Variants in CWF19L2 observed in about 807,000 individuals in gnomAD.
CWF19L2 encodes CWF19-like protein 2.
Under a neutral mutation model 111.7 loss-of-function variants are expected in CWF19L2, and 98 were observed. The observed-to-expected ratio is 0.88, with a 90% CI of 0.75 to 1.04. The LOEUF is 1.04. Among genes scored for constraint, CWF19L2 ranks in the 50% least tolerant of loss-of-function variants. CWF19L2 has a pLI of 0.00. For missense variants in CWF19L2, 1,101 were observed against 1,051.4 expected (o/e 1.05, Z -0.65); for synonymous variants, 351 against 342.9 (o/e 1.02, Z -0.26).
In CWF19L2 at chr11:107,390,212, C is replaced by T. The variant is rs1403595401; in HGVS notation, c.1735-1G>A. The T allele has an allele frequency of 3.1e-6, 5 of 1,590,088 alleles. No homozygotes were observed. Among genetic ancestry groups the T allele is most frequent in the Non-Finnish European group, 4.3e-6 (5 of 1,169,944 alleles). ...TTTCTCTTTCCTCATGGGTTGAAAC[C>T]TATGACAAAATGAACATTATTAATT... On this transcript the variant is annotated splice_acceptor_variant, in intron 11 of 17. Transcript: ENST00000282251. LOFTEE classifies it high-confidence loss of function.
At chr11:107,378,784 AT>A (rs1860635696) in intron 12 of CWF19L2, among the ~76,000 whole-genome samples, 1 of 151,962 alleles carries the variant, frequency 6.6e-6, no homozygotes, top group African/African-American at 2.4e-5. Flanking sequence ...AAATAAATAA[AT>A]AAAAATAAAA....
At chr11:107,370,386 A>C (rs1431785631) in intron 12 of CWF19L2, among the ~76,000 whole-genome samples, 1 of 137,516 alleles carries the variant, frequency 7.3e-6, no homozygotes, top group Non-Finnish European at 1.6e-5. Flanking sequence ...TCATGACAAC[A>C]GAACCAAATT....
At chr11:107,440,687 T>G (rs1185022187) in intron 5 of CWF19L2, among the ~76,000 whole-genome samples, 2 of 152,098 alleles carry the variant, frequency 1.3e-5, no homozygotes. Context: ...GACAAAGGAT[T>G]GAAAACATAA....
At chr11:107,346,974 T>C (rs1860089577) in intron 14 of CWF19L2, among the ~76,000 whole-genome samples, 1 of 152,186 alleles carries the variant, frequency 6.6e-6, no homozygotes, top group Non-Finnish European at 1.5e-5. Context: ...CACATTGAAG[T>C]TCACTGTATG....
chr11:107,388,841 C>G (rs1860808550), intron 12 of CWF19L2, among the ~76,000 whole-genome samples: 1 of 152,150 alleles, frequency 6.6e-6, no homozygotes, highest in Non-Finnish European at 1.5e-5. Flanking sequence ...TTCCTTCTTT[C>G]TGCATTAAAA....
At position 107,376,797 on chromosome 11, in the gene CWF19L2, T is replaced by C. The variant is rs1224528462; in HGVS notation, c.1872+13277A>G. ...AGGCAGGAGAAGGAAATAAAGGGTA[T>C]TCAATTAGGAAAAGAGGAAGTCAAA... On this transcript the variant is annotated intron_variant, in intron 12 of 17. Transcript: ENST00000282251. 1.4e-4 allele frequency among the ~76,000 whole-genome samples: 5 copies of C among 36,968 alleles called. 1 individual carries two copies. The African/African-American group carries it at 1.4e-3, about 10-fold the overall frequency. The allele number at this position is 36,968 out of a possible 152,430, so 24.3% of individuals were successfully genotyped here.
At chr11:107,388,676 G>A (rs200968999) in intron 12 of CWF19L2, among the ~76,000 whole-genome samples, 12 of 152,052 alleles carry the variant, frequency 7.9e-5, no homozygotes, top group Admixed American at 4.6e-4. Context: ...CACCACGCCC[G>A]GCACTATTAC....
rs776508638 is a variant in CWF19L2 at position 107,429,282 on chromosome 11, C to A, written c.950G>T (p.Arg317Ile). The change falls in exon 8 of 18, where the codon AGA (arginine) becomes ATA (isoleucine). Residue 317 changes from arginine (R) to isoleucine (I), a missense_variant. Arg to Ile is a moderately conservative substitution (Grantham distance 97). Coordinates refer to ENST00000282251, the MANE Select transcript of CWF19L2 (RefSeq NM_152434.3). ...LVKYGNSSRD[R>I]YATTDTAKNS... ...TTTTGCAGTATCTGTTGTAGCATAT[C>A]TATCCCTTGAACTGTTACCATATTT... 9.9e-6 allele frequency: 16 copies of A among 1,613,050 alleles called. No individual in the cohort carries two copies. The East Asian group carries it at 3.1e-4, about 31-fold the overall frequency.
chr11:107,391,294 G>T (rs1187084337), intron 11 of CWF19L2, among the ~76,000 whole-genome samples: 1 of 151,734 alleles, frequency 6.6e-6, no homozygotes, highest in African/African-American at 2.4e-5. Flanking sequence ...TCTATTAAAA[G>T]ACATGAGCAT....
intron 12 of CWF19L2, among the ~76,000 whole-genome samples, chr11:107,359,104 T>G (rs1860283565): frequency 6.6e-6 from 1 of 152,140 alleles, no homozygotes; most frequent in Non-Finnish European, 1.5e-5. Flanking sequence ...CATCATGAGT[T>G]TGGACTCACC....
chr11:107,410,787 G>A lies in CWF19L2; in HGVS notation c.1617+5422C>T, dbSNP rs141121286. Reference sequence around the variant, plus strand: ...AAATGTTTTCCTTCTGTTCCAAGCCGCAAACCAGCTCTAACATTTCAAGCA... The same window carrying A: ...AAATGTTTTCCTTCTGTTCCAAGCCACAAACCAGCTCTAACATTTCAAGCA... On this transcript the variant is annotated intron_variant, in intron 10 of 17. Transcript: ENST00000282251. Among the ~76,000 whole-genome samples the A allele has an allele frequency of 9.9e-5, 15 of 152,176 alleles. No individual in the cohort carries two copies. The East Asian group carries it at 2.5e-3, about 26-fold the overall frequency.
rs181059484 is a variant in CWF19L2 at position 107,370,908 on chromosome 11, C to T, written c.1873-17172G>A. Among the ~76,000 whole-genome samples, 35 of 137,362 alleles carry T rather than the reference C, an allele frequency of 2.5e-4. 8 individuals carry two copies. In the East Asian group the frequency reaches 6.9e-3, roughly 27 times the overall value. 90.1% of individuals were successfully genotyped at this position (137,362 alleles called of 152,430 possible). A position where few individuals can be genotyped will look rare whatever the true frequency, so the allele number is the denominator to read the frequency against. ...ATTAAACTACTGAGAGACATAAGTA[C>T]CTTTTATCATTTGTCTGTACAATAC... On this transcript the variant is annotated intron_variant, in intron 12 of 17. Coordinates refer to ENST00000282251, the MANE Select transcript of CWF19L2 (RefSeq NM_152434.3).
At chr11:107,420,486 C>A (rs1861287930) in intron 8 of CWF19L2, among the ~76,000 whole-genome samples, 1 of 152,004 alleles carries the variant, frequency 6.6e-6, no homozygotes, top group Non-Finnish European at 1.5e-5. Context: ...TGAGCAAAAA[C>A]TGACAGAAGA....
At chr11:107,405,347 A>ATT (rs1861061351) in intron 10 of CWF19L2, among the ~76,000 whole-genome samples, 1 of 152,204 alleles carries the variant, frequency 6.6e-6, no homozygotes, top group Admixed American at 6.5e-5. Context: ...TCTTGGTTCT[A>ATT]TACTATTATT....
intron 12 of CWF19L2, among the ~76,000 whole-genome samples, chr11:107,358,457 T>C (rs1223474031): frequency 1.3e-5 from 2 of 152,046 alleles, no homozygotes; most frequent in Non-Finnish European, 2.9e-5. Context: ...AAGCCATGGG[T>C]TGGACAAGGT....
chr11:107,441,220 C>G (rs1272779583), intron 5 of CWF19L2, among the ~76,000 whole-genome samples: 1 of 152,022 alleles, frequency 6.6e-6, no homozygotes, highest in Non-Finnish European at 1.5e-5. Flanking sequence ...TACACTGAAA[C>G]AAAAATTGAG....
At chr11:107,363,066 G>A (rs951454861) in intron 12 of CWF19L2, among the ~76,000 whole-genome samples, 1 of 152,106 alleles carries the variant, frequency 6.6e-6, no homozygotes, top group Non-Finnish European at 1.5e-5. Flanking sequence ...TGGAAGAAAG[G>A]GTATCAGCGA....
chr11:107,402,868 GGTGT>G (rs1290211766), intron 10 of CWF19L2, among the ~76,000 whole-genome samples: 1,882 of 42,682 alleles, frequency 0.044, 184 homozygotes, highest in African/African-American at 0.11. Context: ...AACAAACTGT[GGTGT>G]GTATATATAT....
At chr11:107,378,144 T>C (rs1035074478) in intron 12 of CWF19L2, among the ~76,000 whole-genome samples, 37 of 150,170 alleles carry the variant, frequency 2.5e-4, no homozygotes, top group South Asian at 8.4e-4. Context: ...TGTGGAGAAA[T>C]AGGAACACTT....
Sources: gnomAD v4.1 joint callset for allele counts (sites outside exome capture counted in the v4.1 genomes callset) on GRCh38, gnomAD v4.1.1 for gene constraint, MANE v1.5 for transcripts, NCBI Gene and HGNC (gene_info 2026-07-23, HGNC 2026-07-21) for gene names.